SNTG1: variants seen among roughly 807,000 people sequenced by gnomAD.
The protein encoded by SNTG1 is gamma-1-syntrophin.
A neutral mutation model predicts 74.7 loss-of-function variants in SNTG1; 39 were observed. That is an observed-to-expected ratio of 0.52 (90% CI 0.40 to 0.68). SNTG1 has a LOEUF of 0.68. SNTG1 is among the 30% of genes least tolerant of loss of function. The probability of loss-of-function intolerance (pLI) is 0.00; values close to 1 mark genes in which losing one functional copy is unlikely to be tolerated. For synonymous variants in SNTG1, 254 were observed against 217.1 expected (o/e 1.17, Z -1.49); for missense variants, 685 against 609.5 (o/e 1.12, Z -1.30).
intron 13 of SNTG1, among the ~76,000 whole-genome samples, chr8:50,655,660 A>G (rs1283489933): frequency 6.6e-6 from 1 of 152,186 alleles, no homozygotes; most frequent in Non-Finnish European, 1.5e-5. Flanking sequence ...GAATAATCCA[A>G]TTATTTTAGA....
rs752943788 is a variant in SNTG1, at chr8:50,454,797, G to A, written c.363+4068G>A. Among the ~76,000 whole-genome samples the A allele has an allele frequency of 2.1e-3, 263 of 128,098 alleles. 2 individuals are homozygous for A. Among genetic ancestry groups the A allele is most frequent in the African/African-American group, 6.8e-3 (241 of 35,364 alleles). The allele number at this position is 128,098 out of a possible 152,430, so 84.0% of individuals were successfully genotyped here. ...GCAAAGGTTGCAGTGAACTGAGATC[G>A]TGCCACTGCACTCCAGCCTGTCAGA... On this transcript the variant is annotated intron_variant, in intron 8 of 18. Transcript: ENST00000642720.
chr8:50,204,816 G>A (rs960570481), intron 2 of SNTG1, among the ~76,000 whole-genome samples: 14 of 152,108 alleles, frequency 9.2e-5, no homozygotes, highest in East Asian at 7.8e-4. Context: ...GACAACATGC[G>A]GTGTTTGGTT....
At chr8:50,023,496 G>A (rs1287412708) in intron 1 of SNTG1, among the ~76,000 whole-genome samples, 1 of 152,052 alleles carries the variant, frequency 6.6e-6, no homozygotes, top group African/African-American at 2.4e-5. Context: ...TCCTTAAGGC[G>A]ATCAGTATGA....
intron 17 of SNTG1, among the ~76,000 whole-genome samples, chr8:50,734,278 C>T (rs2095519962): frequency 1.3e-5 from 2 of 151,622 alleles, no homozygotes; most frequent in African/African-American, 4.8e-5. Context: ...GGCCTTTTGG[C>T]TAAGATCAAG....
At chr8:50,672,202 A>AT (rs1420526895) in intron 15 of SNTG1, among the ~76,000 whole-genome samples, 1 of 148,662 alleles carries the variant, frequency 6.7e-6, no homozygotes, top group African/African-American at 2.5e-5. Context: ...AATAATAATA[A>AT]AAAAAAATGT....
intron 1 of SNTG1, among the ~76,000 whole-genome samples, chr8:50,000,660 T>C (rs1814659631): frequency 1.3e-5 from 2 of 152,222 alleles, no homozygotes; most frequent in African/African-American, 4.8e-5. Flanking sequence ...GCTGCAATAA[T>C]TGAAGCTTTT....
intron 13 of SNTG1, among the ~76,000 whole-genome samples, chr8:50,649,284 G>C (rs2095129500): frequency 6.6e-6 from 1 of 152,080 alleles, no homozygotes; most frequent in South Asian, 2.1e-4. Context: ...AATAACTTGA[G>C]GTCAGGAGTG....
intron 2 of SNTG1, among the ~76,000 whole-genome samples, chr8:50,253,283 C>T (rs986689388): frequency 5.9e-5 from 9 of 151,920 alleles, no homozygotes; most frequent in East Asian, 1.9e-4. Flanking sequence ...ATTAGCCAGG[C>T]GTGGTGGCGG....
intron 17 of SNTG1, among the ~76,000 whole-genome samples, chr8:50,732,304 G>A (rs531884209): frequency 7.2e-4 from 109 of 152,000 alleles, no homozygotes; most frequent in African/African-American, 2.6e-3. Flanking sequence ...TAAAAATAAA[G>A]TATCTTGTCC....
chr8:50,795,360 G>T lies in SNTG1; in HGVS notation c.*2531G>T, dbSNP rs2131885235. 1 of 152,116 alleles carries T rather than the reference G, an allele frequency of 6.6e-6. No homozygotes were observed. Among genetic ancestry groups the T allele is most frequent in the South Asian group, 2.1e-4 (1 of 4,826 alleles). The allele number at this position is 152,116 out of a possible 1,614,324, so 9.4% of individuals were successfully genotyped here. On this transcript the variant is annotated 3_prime_UTR_variant, in exon 19 of 19. Transcript: ENST00000642720. ...ATGTGGTGATTAGTCATTGGCATTT[G>T]TTATAACTTGGACTACTTGAATGAG...
intron 1 of SNTG1, among the ~76,000 whole-genome samples, chr8:49,988,427 T>C (rs1479200542): frequency 1.3e-5 from 2 of 152,160 alleles, no homozygotes. Context: ...AGGATGACAA[T>C]GTCTCATCAG....
At chr8:50,468,938 T>C (rs1304954840) in intron 8 of SNTG1, among the ~76,000 whole-genome samples, 7 of 152,232 alleles carry the variant, frequency 4.6e-5, no homozygotes, top group Non-Finnish European at 1.0e-4. Context: ...CCATCTCTTA[T>C]GACATTACTA....
chr8:50,062,595 C>T (rs781364446), intron 1 of SNTG1, among the ~76,000 whole-genome samples: 2 of 152,098 alleles, frequency 1.3e-5, no homozygotes, highest in African/African-American at 4.8e-5. Context: ...TGTTCACAAG[C>T]TAAATATTTT....
chr8:50,114,997 A>C (rs1309482398), intron 1 of SNTG1, among the ~76,000 whole-genome samples: 2 of 152,212 alleles, frequency 1.3e-5, no homozygotes, highest in African/African-American at 4.8e-5. Flanking sequence ...GGACACCTTG[A>C]ATATATATGA....
intron 17 of SNTG1, among the ~76,000 whole-genome samples, chr8:50,728,042 T>C (rs762415037): frequency 1.8e-4 from 27 of 152,076 alleles, no homozygotes; most frequent in Non-Finnish European, 4.0e-4. Flanking sequence ...CACAAGATGC[T>C]CACATTCCCC....
intron 4 of SNTG1, among the ~76,000 whole-genome samples, chr8:50,436,079 C>G (rs1024961420): frequency 1.3e-5 from 2 of 152,142 alleles, no homozygotes; most frequent in Non-Finnish European, 2.9e-5. Flanking sequence ...AGGCAAAACG[C>G]TCTACAAAAT....
Position 50,658,597 on chromosome 8 carries a change from C to A in SNTG1, c.972C>A (p.Thr324=). The change falls in exon 15 of 19, where the codon ACC becomes ACA. Residue 324 remains threonine, a synonymous_variant. Coordinates refer to ENST00000642720, the MANE Select transcript of SNTG1 (RefSeq NM_018967.5). The stretch of plus-strand genomic sequence containing the variant: ...TATTTTCTTATCTTTTAAAGGTGAC[C>A]ACCTGGGACTGGACGAGAGCAGAGA... ...CLYKFLAPPV[T]TWDWTRAEKT... 6.2e-7 allele frequency: 1 copy of A among 1,600,686 alleles called. No homozygotes were observed. Among genetic ancestry groups the A allele is most frequent in the East Asian group, 2.2e-5 (1 of 44,446 alleles).
intron 9 of SNTG1, among the ~76,000 whole-genome samples, chr8:50,513,650 G>A (rs2448932): frequency 0.3 from 45,669 of 152,184 alleles, 9,324 homozygotes; most frequent in African/African-American, 0.58. Context: ...GCTGCCTTGC[G>A]GTTTGATCTC....
intron 2 of SNTG1, among the ~76,000 whole-genome samples, chr8:50,318,554 A>G (rs947066052): frequency 6.6e-6 from 1 of 152,020 alleles, no homozygotes; most frequent in Non-Finnish European, 1.5e-5. Context: ...GCGCTGTGTG[A>G]CTCCCACGGT....
Sources: allele counts gnomAD v4.1 joint callset (sites outside exome capture counted in the v4.1 genomes callset), GRCh38; gene constraint gnomAD v4.1.1; transcripts MANE v1.5; gene names NCBI Gene and HGNC (gene_info 2026-07-23, HGNC 2026-07-21).